Variants in ZNF804B observed in about 807,000 individuals in gnomAD.
ZNF804B encodes the protein zinc finger 804B.
Under a neutral mutation model 101.4 loss-of-function variants are expected in ZNF804B, and 80 were observed. The ratio of observed to expected loss-of-function variants is 0.79; its 90% CI spans 0.66 to 0.95. The LOEUF (loss-of-function observed/expected upper bound fraction) is 0.95. Ranked by LOEUF, ZNF804B falls within the 40% of genes least tolerant of loss-of-function variation. The pLI, the probability that ZNF804B is intolerant of heterozygous loss-of-function variation, is 0.00. For missense variants in ZNF804B, 1,673 were observed against 1,561.9 expected (o/e 1.07, Z -1.20); for synonymous variants, 622 against 558.8 (o/e 1.11, Z -1.59).
intron 1 of ZNF804B, among the ~76,000 whole-genome samples, chr7:88,855,738 G>T (rs1243226681): frequency 2.0e-5 from 3 of 152,104 alleles, no homozygotes; most frequent in Admixed American, 2.0e-4. Context: ...ATGGTTTTAG[G>T]TCTAACATTT....
chr7:89,026,048 T>A (rs1399974214), intron 1 of ZNF804B, among the ~76,000 whole-genome samples: 1 of 152,104 alleles, frequency 6.6e-6, no homozygotes, highest in Non-Finnish European at 1.5e-5. Flanking sequence ...TTACTTTTAA[T>A]TACATCAGCT....
chr7:88,891,599 T>G (rs986380144), intron 1 of ZNF804B, among the ~76,000 whole-genome samples: 2 of 151,258 alleles, frequency 1.3e-5, no homozygotes, highest in African/African-American at 4.9e-5. Flanking sequence ...TTACATTATA[T>G]TTGTCCTGAC....
chr7:89,097,660 G>A (rs1220902800), intron 1 of ZNF804B, among the ~76,000 whole-genome samples: 1 of 152,114 alleles, frequency 6.6e-6, no homozygotes, highest in African/African-American at 2.4e-5. Context: ...TATAATAATA[G>A]TGTGTATTTT....
chr7:88,893,126 A>G (rs994658289), intron 1 of ZNF804B, among the ~76,000 whole-genome samples: 8 of 152,134 alleles, frequency 5.3e-5, no homozygotes, highest in Non-Finnish European at 4.4e-5. Context: ...TATATCCTAA[A>G]TCTAGGTCAA....
chr7:89,020,765 G>C (rs189723384), intron 1 of ZNF804B, among the ~76,000 whole-genome samples: 25 of 152,024 alleles, frequency 1.6e-4, no homozygotes, highest in East Asian at 3.9e-4. Context: ...CTTTTATGTT[G>C]TATATTTTAA....
chr7:89,105,653 G>T (rs1035532052), intron 1 of ZNF804B, among the ~76,000 whole-genome samples: 1 of 152,042 alleles, frequency 6.6e-6, no homozygotes, highest in Non-Finnish European at 1.5e-5. Context: ...TGTAACCAAA[G>T]GTACGGGGCT....
chr7:88,828,080 C>T (rs1583961757), intron 1 of ZNF804B, among the ~76,000 whole-genome samples: 1 of 152,058 alleles, frequency 6.6e-6, no homozygotes, highest in African/African-American at 2.4e-5. Flanking sequence ...ATAGCTTCTT[C>T]CTTTGTAGAA....
intron 1 of ZNF804B, among the ~76,000 whole-genome samples, chr7:88,869,946 C>A (rs887701762): frequency 6.6e-6 from 1 of 152,084 alleles, no homozygotes; most frequent in South Asian, 2.1e-4. Context: ...ACCAGCCTAG[C>A]AATTTTAAGA....
At chr7:89,123,302 T>C (rs1790432131) in intron 1 of ZNF804B, among the ~76,000 whole-genome samples, 1 of 152,080 alleles carries the variant, frequency 6.6e-6, no homozygotes, top group South Asian at 2.1e-4. Flanking sequence ...ATAAAGACCA[T>C]GCATGTCTGC....
intron 1 of ZNF804B, among the ~76,000 whole-genome samples, chr7:89,119,367 C>T (rs1165018010): frequency 2.6e-5 from 4 of 152,168 alleles, no homozygotes; most frequent in Admixed American, 2.6e-4. Flanking sequence ...TCATCACCTT[C>T]AAGATAAAAA....
chr7:88,771,690 A>C (rs2115632788), intron 1 of ZNF804B, among the ~76,000 whole-genome samples: 1 of 152,288 alleles, frequency 6.6e-6, no homozygotes, highest in South Asian at 2.1e-4. Flanking sequence ...ATTTATGCTA[A>C]TAAAACATAT....
chr7:88,870,693 C>T (rs1197183410), intron 1 of ZNF804B, among the ~76,000 whole-genome samples: 1 of 151,954 alleles, frequency 6.6e-6, no homozygotes, highest in Non-Finnish European at 1.5e-5. Context: ...AGAAAAGATG[C>T]CAAAAGGAGT....
Position 89,158,448 on chromosome 7 carries a change from C to G in ZNF804B, c.109-59707C>G, listed in dbSNP as rs112273413. On this transcript the variant is annotated intron_variant, in intron 1 of 3. Transcript: ENST00000333190. ...TGAAATACTTCTCAGATCATTTTCT[C>G]TTTTCCGGTCTCAGGACCATTGTGT... is the stretch of plus-strand genomic sequence containing the variant. Among the ~76,000 whole-genome samples the G allele has an allele frequency of 4.1e-3, 627 of 152,206 alleles. 6 individuals are homozygous for G. Among genetic ancestry groups the G allele is most frequent in the African/African-American group, 0.014 (598 of 41,534 alleles).
At chr7:89,026,464 T>C (rs1290818381) in intron 1 of ZNF804B, among the ~76,000 whole-genome samples, 1 of 152,142 alleles carries the variant, frequency 6.6e-6, no homozygotes, top group Non-Finnish European at 1.5e-5. Context: ...ATAAGGTTTA[T>C]TTGATTTCTT....
At chr7:89,222,433 C>A (rs939070428) in intron 2 of ZNF804B, among the ~76,000 whole-genome samples, 12 of 151,934 alleles carry the variant, frequency 7.9e-5, no homozygotes, top group South Asian at 2.1e-4. Flanking sequence ...CCAGATAAGT[C>A]TTTTCAAACT....
Position 88,833,920 on chromosome 7 carries a change from C to T in ZNF804B, c.108+73836C>T, listed in dbSNP as rs554503279. ...TTTTCTTTTTATCAGAAACACTATTCAGAAAATGAGATCAGATGTTTTTTC... is the reference window on the plus strand; with the variant it reads ...TTTTCTTTTTATCAGAAACACTATTTAGAAAATGAGATCAGATGTTTTTTC... On this transcript the variant is annotated intron_variant, in intron 1 of 3. Transcript: ENST00000333190. Among the ~76,000 whole-genome samples the T allele has an allele frequency of 2.6e-5, 4 of 151,636 alleles. No individual in the cohort carries two copies. In the East Asian group the frequency reaches 5.8e-4, roughly 22 times the overall value.
chr7:89,234,261 C>T (rs1261476176), intron 2 of ZNF804B, among the ~76,000 whole-genome samples: 1 of 151,062 alleles, frequency 6.6e-6, no homozygotes, highest in Non-Finnish European at 1.5e-5. Context: ...GTGATATTCC[C>T]TTTTCTTTTT....
At chr7:89,179,250 CT>C (rs754631401) in intron 1 of ZNF804B, among the ~76,000 whole-genome samples, 171 of 152,216 alleles carry the variant, frequency 1.1e-3, no homozygotes, top group Non-Finnish European at 1.9e-3. Flanking sequence ...AATAAACTTT[CT>C]ACTCCAATCT....
chr7:88,808,026 C>G (rs1478273064), intron 1 of ZNF804B, among the ~76,000 whole-genome samples: 1 of 152,104 alleles, frequency 6.6e-6, no homozygotes. Flanking sequence ...TGCAGTGAAC[C>G]TCAAATGACA....
Sources: gnomAD v4.1 joint callset for allele counts (sites outside exome capture counted in the v4.1 genomes callset) on GRCh38, gnomAD v4.1.1 for gene constraint, MANE v1.5 for transcripts, NCBI Gene and HGNC (gene_info 2026-07-23, HGNC 2026-07-21) for gene names.